ITSN2: variants seen among roughly 807,000 people sequenced by gnomAD.
ITSN2 encodes the protein intersectin-2.
In ITSN2, 156 loss-of-function variants were observed where a neutral mutation model predicts 243.7. That is an observed-to-expected ratio of 0.64 (90% CI 0.56 to 0.73). The LOEUF (loss-of-function observed/expected upper bound fraction) is 0.73. Ranked by LOEUF, ITSN2 falls within the 30% of genes least tolerant of loss-of-function variation. ITSN2 has a pLI of 0.00. For synonymous variants in ITSN2, 703 were observed against 699.9 expected (o/e 1.00, Z -0.07); for missense variants, 1,801 against 1,996.1 (o/e 0.90, Z 1.86).
At chr2:24,289,749 C>T (rs1022361339) in intron 15 of ITSN2, among the ~76,000 whole-genome samples, 1 of 152,150 alleles carries the variant, frequency 6.6e-6, no homozygotes, top group Admixed American at 6.5e-5. Flanking sequence ...TTCAATGTGG[C>T]CCAACACAAA....
intron 5 of ITSN2, 73 bp from the exon 6 acceptor site, chr2:24,310,765 C>T: frequency 8.3e-7 from 1 of 1,208,348 alleles, no homozygotes; most frequent in African/African-American, 1.5e-5. Context: ...AACAAGTTTA[C>T]AGTACAGTGG....
intron 1 of ITSN2, among the ~76,000 whole-genome samples, chr2:24,346,999 C>G (rs1286050323): frequency 6.6e-6 from 1 of 151,500 alleles, no homozygotes; most frequent in Non-Finnish European, 1.5e-5. Context: ...CGAGTAGCTG[C>G]TACTACAGGC....
At position 24,313,453 on chromosome 2, in the gene ITSN2, A is replaced by C; in HGVS notation, c.188+7T>G. 6.2e-7 allele frequency: 1 copy of C among 1,608,856 alleles called. No individual in the cohort carries two copies. Among genetic ancestry groups the C allele is most frequent in the South Asian group, 1.1e-5 (1 of 89,938 alleles). ...AGAAAATTAGGTTCATCTACAAAACACTTTACCATATTTCAGCTAAAACAG... is the reference window on the plus strand; with the variant it reads ...AGAAAATTAGGTTCATCTACAAAACCCTTTACCATATTTCAGCTAAAACAG... On this transcript the variant is annotated splice_region_variant and intron_variant, in intron 4 of 39. Transcript: ENST00000355123.
chr2:24,215,093 C>T (rs1172252442), intron 32 of ITSN2, among the ~76,000 whole-genome samples: 2 of 152,224 alleles, frequency 1.3e-5, no homozygotes, highest in Non-Finnish European at 2.9e-5. Context: ...ACATTATACA[C>T]AGTGTTCTCT....
intron 1 of ITSN2, among the ~76,000 whole-genome samples, chr2:24,334,335 A>G (rs529956046): frequency 1.3e-5 from 2 of 152,280 alleles, no homozygotes; most frequent in East Asian, 3.9e-4. Context: ...TTGCGATTAC[A>G]GGCATCAGCC....
intron 15 of ITSN2, 79 bp from the exon 16 acceptor site, chr2:24,286,430 A>G: frequency 8.2e-7 from 1 of 1,223,344 alleles, no homozygotes; most frequent in Non-Finnish European, 1.2e-6. Flanking sequence ...CTGTTTGGTC[A>G]GATTGATGTA....
chr2:24,217,412 G>T (rs1670068642), intron 31 of ITSN2, among the ~76,000 whole-genome samples: 1 of 152,156 alleles, frequency 6.6e-6, no homozygotes, highest in Non-Finnish European at 1.5e-5. Context: ...GGAGCTGCAG[G>T]GGCCAGGTGT....
intron 1 of ITSN2, among the ~76,000 whole-genome samples, chr2:24,342,991 TG>T (rs963391612): frequency 1.1e-4 from 16 of 150,584 alleles, no homozygotes; most frequent in Non-Finnish European, 2.1e-4. Flanking sequence ...CTCAGGAGGC[TG>T]AGGAGGGAGG....
Position 24,258,624 on chromosome 2 carries a change from CA to C in ITSN2, c.2683-532del, listed in dbSNP as rs1675375775. ...AAGGCTAAACTCTTCACTTATTCTC[CA>C]AGTCTTCTATTATACCCTTTCATTT... is the stretch of plus-strand genomic sequence containing the variant. On this transcript the variant is annotated intron_variant, in intron 22 of 39. Transcript: ENST00000355123. 3.9e-5 allele frequency among the ~76,000 whole-genome samples: 6 copies of C among 152,202 alleles called. No homozygotes were observed. The South Asian group carries it at 1.2e-3, about 32-fold the overall frequency.
intron 17 of ITSN2, among the ~76,000 whole-genome samples, chr2:24,281,100 C>T (rs1046361340): frequency 6.6e-6 from 1 of 152,132 alleles, no homozygotes; most frequent in Admixed American, 6.5e-5. Context: ...GTAACCTTGC[C>T]TCACTGCAAC....
At chr2:24,228,480 TGGCAGG>T (rs1671263482) in intron 29 of ITSN2, among the ~76,000 whole-genome samples, 7 of 152,158 alleles carry the variant, frequency 4.6e-5, no homozygotes, top group African/African-American at 1.4e-4. Flanking sequence ...AATACTAAGT[TGGCAGG>T]TATAAATACA....
chr2:24,355,301 AT>A (rs1370343458), intron 1 of ITSN2, among the ~76,000 whole-genome samples: 3 of 152,218 alleles, frequency 2.0e-5, no homozygotes, highest in Non-Finnish European at 4.4e-5. Flanking sequence ...AAACATTCTT[AT>A]TTTTCTACTT....
rs529263279 is a variant in ITSN2, at chr2:24,343,062, G to A, written c.-33-14947C>T. ...GTCAAGATCGTGCCACTGTACTCCA[G>A]CCTGAGTAACAGAGTGAGACCCCAT... On this transcript the variant is annotated intron_variant, in intron 1 of 39. Coordinates refer to ENST00000355123, the MANE Select transcript of ITSN2 (RefSeq NM_006277.3). 4.7e-5 allele frequency among the ~76,000 whole-genome samples: 7 copies of A among 149,472 alleles called. No individual in the cohort carries two copies. In the South Asian group the frequency reaches 1.5e-3, roughly 31 times the overall value.
chr2:24,219,081 C>T (rs1291177870), intron 30 of ITSN2, among the ~76,000 whole-genome samples: 1 of 152,160 alleles, frequency 6.6e-6, no homozygotes, highest in Non-Finnish European at 1.5e-5. Context: ...TACATGCCAT[C>T]CCACTTCTGT....
chr2:24,262,013 TA>T (rs1675963143), intron 20 of ITSN2, among the ~76,000 whole-genome samples: 1 of 152,218 alleles, frequency 6.6e-6, no homozygotes, highest in Non-Finnish European at 1.5e-5. Flanking sequence ...AATCCTCCCC[TA>T]TCTCATGGCT....
intron 15 of ITSN2, among the ~76,000 whole-genome samples, chr2:24,287,153 G>T (rs1207830216): frequency 6.6e-6 from 1 of 151,938 alleles, no homozygotes; most frequent in Non-Finnish European, 1.5e-5. Flanking sequence ...TATTTCCATG[G>T]GTTTTAACAG....
In ITSN2 at chr2:24,211,238, G is replaced by A. The variant is rs768680873; in HGVS notation, c.4090-291C>T. ...CTCCGACTGGCTCCCGGTAATAGGC[G>A]GGAGCCTCCCGACTCCTTCCGAAAT... On this transcript the variant is annotated intron_variant, in intron 33 of 39. Coordinates refer to ENST00000355123, the MANE Select transcript of ITSN2 (RefSeq NM_006277.3). The surrounding 1 kb of genome is among the most constrained non-coding windows in gnomAD (Gnocchi z 4.1). Among the ~76,000 whole-genome samples, 1 of 152,286 alleles carries A rather than the reference G, an allele frequency of 6.6e-6. No homozygotes were observed.
At chr2:24,289,118 T>C (rs938487440) in intron 15 of ITSN2, among the ~76,000 whole-genome samples, 4 of 152,230 alleles carry the variant, frequency 2.6e-5, no homozygotes, top group Non-Finnish European at 5.9e-5. Flanking sequence ...TGTGATTCCA[T>C]ATACGTTTTA....
In ITSN2 at chr2:24,276,109, G is replaced by A. The variant is rs555312385; in HGVS notation, c.1945-260C>T. 4.6e-5 allele frequency among the ~76,000 whole-genome samples: 7 copies of A among 152,034 alleles called. No homozygotes were observed. In the East Asian group the frequency reaches 7.7e-4, roughly 17 times the overall value. The stretch of plus-strand genomic sequence containing the variant: ...CGGAACACAGAATCTTTAACAAGCC[G>A]ATGCTTTGATTTGGTACATCATTTT... On this transcript the variant is annotated intron_variant, in intron 17 of 39. Coordinates refer to ENST00000355123, the MANE Select transcript of ITSN2 (RefSeq NM_006277.3).
Sources: allele counts gnomAD v4.1 joint callset (sites outside exome capture counted in the v4.1 genomes callset), GRCh38; gene constraint gnomAD v4.1.1; non-coding constraint Gnocchi (gnomAD v3.1); transcripts MANE v1.5; gene names NCBI Gene and HGNC (gene_info 2026-07-23, HGNC 2026-07-21).